The following OSCP1 variants were observed in gnomAD, a reference collection of about 807,000 sequenced individuals.
The protein encoded by OSCP1 is organic solute carrier partner 1.
OSCP1 carries 35 observed loss-of-function variants against 45.1 expected under a neutral mutation model. The observed-to-expected ratio is 0.78, with a 90% confidence interval of 0.59 to 1.03. The LOEUF is 1.03. Ranked by LOEUF, OSCP1 falls within the 50% of genes least tolerant of loss-of-function variation. The probability of loss-of-function intolerance (pLI) is 0.00; values close to 1 mark genes in which losing one functional copy is unlikely to be tolerated. For missense variants in OSCP1, 400 were observed against 470.7 expected, an observed-to-expected ratio of 0.85 and a Z score of 1.39; for synonymous variants, 179 against 180.1, an observed-to-expected ratio of 0.99 and a Z score of 0.05.
chr1:36,421,908 G>A (rs559216206), intron 7 of OSCP1: 1 of 566,198 alleles, frequency 1.8e-6, no homozygotes, highest in African/African-American at 1.9e-5. Flanking sequence ...CCTGGTGTGT[G>A]GTTCCTCTTA....
chr1:36,445,702 C>CATTTATTT lies in OSCP1; in HGVS notation c.112+4548_112+4555dup, dbSNP rs139675900. On this transcript the variant is annotated intron_variant, in intron 1 of 9. Transcript: ENST00000235532. The stretch of plus-strand genomic sequence containing the variant: ...AATGTCCACATCTATCTTTCTGTGG[C>CATTTATTT]ATTTATTTATTTATTTATTTATTTA... Among the ~76,000 whole-genome samples the CATTTATTT allele has an allele frequency of 8.1e-3, 1,227 of 151,996 alleles. 14 individuals are homozygous for CATTTATTT. Among genetic ancestry groups the CATTTATTT allele is most frequent in the African/African-American group, 0.024 (1,003 of 41,488 alleles).
intron 8 of OSCP1, 90 bp from the exon 9 acceptor site, chr1:36,419,144 T>G: frequency 8.6e-7 from 1 of 1,157,346 alleles, no homozygotes; most frequent in Non-Finnish European, 1.3e-6. Flanking sequence ...TGGCAACCTA[T>G]TTTTTCTGCC....
intron 2 of OSCP1, among the ~76,000 whole-genome samples, chr1:36,437,359 T>C (rs1448512140): frequency 2.0e-5 from 3 of 151,936 alleles, no homozygotes; most frequent in Non-Finnish European, 4.4e-5. Flanking sequence ...CCCAATACTT[T>C]GTTTCCCAAA....
chr1:36,418,926 C>A (rs1374525763), intron 9 of OSCP1, 65 bp downstream of exon 9: 34 of 1,266,598 alleles, frequency 2.7e-5, no homozygotes, highest in African/African-American at 3.3e-5. Context: ...GACCCTGTCT[C>A]AAGAAAAAAA....
In OSCP1 at chr1:36,418,228, G is replaced by A. The variant is rs552863417; in HGVS notation, c.1051C>T (p.Arg351Ter). The stretch of plus-strand genomic sequence containing the variant: ...GTGATCTCAAACTCCCCCATGATTC[G>A]AGCCAGCTCCTCGCTCCGTTGCTGG... ...QDQQRSEELA[R>*]IMGEFEITEQ... The change falls in exon 10 of 10, where the codon CGA (arginine) becomes TGA (stop). Residue 351 changes from arginine to a stop codon, truncating the protein, a stop_gained. Transcript: ENST00000235532. LOFTEE classifies it high-confidence loss of function. 18 of 1,614,172 alleles carry A rather than the reference G, an allele frequency of 1.1e-5. No individual in the cohort carries two copies. The highest frequency in any genetic ancestry group is 1.3e-5 in the African/African-American group (1 of 75,048).
rs1647453425 is a variant in OSCP1, at chr1:36,419,025, A to G, written c.989T>C (p.Leu330Ser). 3 of 1,612,520 alleles carry G rather than the reference A, an allele frequency of 1.9e-6. No individual in the cohort carries two copies. Among genetic ancestry groups the G allele is most frequent in the Admixed American group, 1.7e-5 (1 of 59,960 alleles). ...EQAALTRPEE[L>S]SYEVINIQAT... ...TTGTATGTTGATAACTTCATAGGATAACTCTTCTGGCCTGGTTAGCGCTGC... is the reference window on the plus strand; with the variant it reads ...TTGTATGTTGATAACTTCATAGGATGACTCTTCTGGCCTGGTTAGCGCTGC... Residue 330 changes from leucine (L) to serine (S), a missense_variant, in exon 9 of 10, where the codon TTA (leucine) becomes TCA (serine). Physicochemically the swap from Leu to Ser is moderately radical, Grantham distance 145. Transcript: ENST00000235532.
chr1:36,427,975 G>A (rs906060379), intron 4 of OSCP1, among the ~76,000 whole-genome samples: 9 of 151,916 alleles, frequency 5.9e-5, no homozygotes, highest in Non-Finnish European at 1.2e-4. Context: ...ATTGCCTGAG[G>A]TCAGGAGTTC....
At chr1:36,433,732 G>T (rs545003078) in intron 2 of OSCP1, among the ~76,000 whole-genome samples, 1 of 152,182 alleles carries the variant, frequency 6.6e-6, no homozygotes, top group Non-Finnish European at 1.5e-5. Flanking sequence ...AAGTTAGGGG[G>T]TTAAAGTTTT....
At chr1:36,422,323 G>T in intron 6 of OSCP1, 104 bp from the exon 7 acceptor site, 2 of 1,077,512 alleles carry the variant, frequency 1.9e-6, no homozygotes. Context: ...ACATTAAATA[G>T]CATCCAGAAA....
rs879860561 is a variant in OSCP1 at position 36,444,471 on chromosome 1, C to CT, written c.113-5562dup. Among the ~76,000 whole-genome samples, 139 of 149,058 alleles carry CT rather than the reference C, an allele frequency of 9.3e-4. 2 individuals are homozygous for CT. The highest frequency in any genetic ancestry group is 8.8e-3 in the East Asian group (45 of 5,112). On this transcript the variant is annotated intron_variant, in intron 1 of 9. Coordinates refer to ENST00000235532, the MANE Select transcript of OSCP1 (RefSeq NM_145047.5). ...TACAATCTGAGTTTTCTTTTCTTTT[C>CT]TTTTTTTTTTATTAATGTAAGATTT...
intron 1 of OSCP1, among the ~76,000 whole-genome samples, chr1:36,439,340 G>A (rs1464579113): frequency 6.6e-6 from 1 of 151,972 alleles, no homozygotes; most frequent in African/African-American, 2.4e-5. Context: ...GGGCAACATA[G>A]TTAGACCCTG....
intron 1 of OSCP1, among the ~76,000 whole-genome samples, chr1:36,441,710 C>A (rs1212726666): frequency 7.9e-6 from 1 of 125,850 alleles, no homozygotes; most frequent in African/African-American, 3.1e-5. Flanking sequence ...GAGATCGCGC[C>A]ACTGAACTCC....
intron 8 of OSCP1, chr1:36,420,244 G>A (rs755183869): frequency 4.1e-5 from 17 of 415,788 alleles, no homozygotes; most frequent in Non-Finnish European, 5.7e-5. Flanking sequence ...CCAAAGTGCT[G>A]GGACTACGGG....
At chr1:36,435,069 CCTTTTCTTTT>C (rs1240699775) in intron 2 of OSCP1, among the ~76,000 whole-genome samples, 3 of 149,988 alleles carry the variant, frequency 2.0e-5, no homozygotes, top group African/African-American at 4.9e-5. Flanking sequence ...ATTTAAACTT[CCTTTTCTTTT>C]CTTTTCTTTT....
In OSCP1 at chr1:36,438,925, G is replaced by C. The variant is rs1405900810; in HGVS notation, c.113-15C>G. On this transcript the variant is annotated splice_polypyrimidine_tract_variant and intron_variant, in intron 1 of 9. Transcript: ENST00000235532. The stretch of plus-strand genomic sequence containing the variant: ...GTCATTCAGAACTGCAGAGACAAGA[G>C]AGAACACAGCTGAGCAAAGTACTGA... 1.2e-6 allele frequency: 2 copies of C among 1,612,776 alleles called. No homozygotes were observed. The highest frequency in any genetic ancestry group is 3.3e-5 in the Admixed American group (2 of 59,806).
At chr1:36,433,460 G>A in intron 2 of OSCP1, among the ~76,000 whole-genome samples, 1 of 151,906 alleles carries the variant, frequency 6.6e-6, no homozygotes, top group East Asian at 1.9e-4. Context: ...AAATGAAGAT[G>A]GCAACAATAG....
intron 1 of OSCP1, among the ~76,000 whole-genome samples, chr1:36,440,029 C>T (rs1028541289): frequency 8.5e-5 from 13 of 152,216 alleles, no homozygotes; most frequent in African/African-American, 3.1e-4. Flanking sequence ...TATACACTTA[C>T]AGAAATTCAA....
intron 1 of OSCP1, chr1:36,444,050 A>C (rs543159054): frequency 6.2e-7 from 1 of 1,611,072 alleles, no homozygotes; most frequent in African/African-American, 1.3e-5. Flanking sequence ...GAAGCATACA[A>C]AAAGAAAACA....
intron 2 of OSCP1, 73 bp from the exon 3 acceptor site, chr1:36,432,662 T>C (rs1195465948): frequency 6.9e-6 from 11 of 1,588,102 alleles, no homozygotes; most frequent in Non-Finnish European, 9.5e-6. Context: ...AAACAGTGAT[T>C]CAGTCAAGCA....
Sources: gnomAD v4.1 joint callset for allele counts (sites outside exome capture counted in the v4.1 genomes callset) on GRCh38, gnomAD v4.1.1 for gene constraint, MANE v1.5 for transcripts, NCBI Gene and HGNC (gene_info 2026-07-23, HGNC 2026-07-21) for gene names.